GCLM: variants seen among roughly 807,000 people sequenced by gnomAD.
GCLM encodes the protein glutamate--cysteine ligase regulatory subunit.
GCLM carries 15 observed loss-of-function variants against 36.0 expected under a neutral mutation model. The observed-to-expected ratio is 0.42, with a 90% CI of 0.28 to 0.64. The LOEUF (loss-of-function observed/expected upper bound fraction) is 0.64, where lower values mean the gene tolerates loss of function less well. Ranked by LOEUF, GCLM falls within the 30% of genes least tolerant of loss-of-function variation. GCLM has a pLI of 0.25. For missense variants in GCLM, 242 were observed against 325.5 expected (o/e 0.74, Z 1.97); for synonymous variants, 129 against 122.8 (o/e 1.05, Z -0.34).
intron 6 of GCLM, among the ~76,000 whole-genome samples, chr1:93,890,498 C>T (rs932923354): frequency 6.6e-6 from 1 of 152,130 alleles, no homozygotes; most frequent in South Asian, 2.1e-4. Context: ...GCTCTGATGA[C>T]ACTTGGGGCA....
At chr1:93,898,256 A>G (rs186141820) in intron 3 of GCLM, among the ~76,000 whole-genome samples, 3 of 149,166 alleles carry the variant, frequency 2.0e-5, no homozygotes, top group Admixed American at 1.4e-4. Flanking sequence ...CAATAAACCA[A>G]AATCTATATA....
intron 2 of GCLM, among the ~76,000 whole-genome samples, chr1:93,902,004 A>G (rs1337067279): frequency 6.6e-6 from 1 of 152,076 alleles, no homozygotes; most frequent in Non-Finnish European, 1.5e-5. Context: ...ACAGCAGATA[A>G]TTTTACTCTA....
chr1:93,902,026 A>G (rs1026244773), intron 2 of GCLM, among the ~76,000 whole-genome samples: 1 of 152,146 alleles, frequency 6.6e-6, no homozygotes, highest in African/African-American at 2.4e-5. Context: ...AAAGAAACCA[A>G]TGAAAATAAT....
In GCLM at chr1:93,909,069, C is replaced by T. The variant is rs565331853; in HGVS notation, c.95G>A (p.Arg32Gln). The T allele has an allele frequency of 2.0e-6, 3 of 1,474,680 alleles. No individual in the cohort carries two copies. The highest frequency in any genetic ancestry group is 3.0e-5 in the East Asian group (1 of 33,210). 91.3% of individuals were successfully genotyped at this position (1,474,680 alleles called of 1,614,324 possible). A position where few individuals can be genotyped will look rare whatever the true frequency, so the allele number is the denominator to read the frequency against. Reference protein sequence around the residue: ...TGNLLNWGRLRKKCPSTHSEE... With the variant: ...TGNLLNWGRLQKKCPSTHSEE... The stretch of plus-strand genomic sequence containing the variant: ...GCTGTGCGTGGACGGGCACTTCTTC[C>T]GCAGGCGGCCCCAGTTCAGCAGGTT... Residue 32 changes from arginine (R) to glutamine (Q), a missense_variant, in exon 1 of 7, where the codon CGG (arginine) becomes CAG (glutamine). Arg to Gln is a conservative substitution (Grantham distance 43). Coordinates refer to ENST00000370238, the MANE Select transcript of GCLM (RefSeq NM_002061.4).
At chr1:93,893,232 G>C (rs985297023) in intron 6 of GCLM, among the ~76,000 whole-genome samples, 1 of 152,144 alleles carries the variant, frequency 6.6e-6, no homozygotes, top group Non-Finnish European at 1.5e-5. Flanking sequence ...ACCTTGGCTA[G>C]TTCCTTTCAC....
intron 2 of GCLM, among the ~76,000 whole-genome samples, chr1:93,902,186 GT>G (rs1656975784): frequency 6.6e-6 from 1 of 151,944 alleles, no homozygotes; most frequent in South Asian, 2.1e-4. Flanking sequence ...GTTTTGTTTT[GT>G]TTTGTTTTGA....
chr1:93,900,024 T>C (rs1041232987), intron 3 of GCLM, among the ~76,000 whole-genome samples: 1 of 152,094 alleles, frequency 6.6e-6, no homozygotes, highest in Non-Finnish European at 1.5e-5. Flanking sequence ...ATTCGATATA[T>C]GCAACACATT....
intron 4 of GCLM, 68 bp downstream of exon 4, chr1:93,897,771 G>T: frequency 1.3e-6 from 1 of 784,820 alleles, no homozygotes. Flanking sequence ...CTAAGCACAA[G>T]TTATAACTAA....
At chr1:93,899,475 A>G (rs192445074) in intron 3 of GCLM, among the ~76,000 whole-genome samples, 1 of 152,304 alleles carries the variant, frequency 6.6e-6, no homozygotes, top group Admixed American at 6.5e-5. Flanking sequence ...AGGTTAGTAA[A>G]TGTTCCAGTA....
intron 5 of GCLM, among the ~76,000 whole-genome samples, chr1:93,896,398 C>A (rs1176063948): frequency 6.6e-6 from 1 of 152,150 alleles, no homozygotes; most frequent in Non-Finnish European, 1.5e-5. Flanking sequence ...GATTAACATT[C>A]AGTTCAATCA....
In GCLM at chr1:93,888,982, TA is replaced by T; in HGVS notation, c.*7del. 6.4e-7 allele frequency: 1 copy of T among 1,568,208 alleles called. No homozygotes were observed. The highest frequency in any genetic ancestry group is 8.6e-7 in the Non-Finnish European group (1 of 1,158,856). On this transcript the variant is annotated 3_prime_UTR_variant, in exon 7 of 7. Transcript: ENST00000370238. ...GGAAATTACAGGTAAGTTATGCTCC[TA>T]AGTCAGTTAAGAACCCCTTCTTTTA...
chr1:93,904,213 T>C (rs1657064309), intron 2 of GCLM: 1 of 320,632 alleles, frequency 3.1e-6, no homozygotes. Flanking sequence ...AATCTACCAA[T>C]CACAATTGAT....
At chr1:93,908,987 C>T in intron 1 of GCLM, 51 bp downstream of exon 1, 1 of 1,372,228 alleles carries the variant, frequency 7.3e-7, no homozygotes, top group Non-Finnish European at 9.4e-7. Context: ...ACCGCCCGGC[C>T]CCGCCCGAGG....
intron 6 of GCLM, among the ~76,000 whole-genome samples, chr1:93,890,684 C>T (rs1002102568): frequency 1.3e-5 from 2 of 151,924 alleles, no homozygotes; most frequent in African/African-American, 2.4e-5. Context: ...AGAAACAAAC[C>T]GTCACAATGA....
rs116645538 is a variant in GCLM, at chr1:93,895,594, T to A, written c.541-866A>T. Among the ~76,000 whole-genome samples, 382 of 152,296 alleles carry A rather than the reference T, an allele frequency of 2.5e-3. 1 individual carries two copies. The highest frequency in any genetic ancestry group is 8.6e-3 in the African/African-American group (359 of 41,560). ...TTCTGAATCATCTAAGTCTCTCCAA[T>A]ACTTTCTTGTCCTCATTCTGGCTAT... is the stretch of plus-strand genomic sequence containing the variant. On this transcript the variant is annotated intron_variant, in intron 5 of 6. Transcript: ENST00000370238.
At chr1:93,902,479 G>GT (rs77382543) in intron 2 of GCLM, among the ~76,000 whole-genome samples, 4,959 of 144,040 alleles carry the variant, frequency 0.034, 119 homozygotes, top group Middle Eastern at 0.11. Context: ...CGCCCAGCCT[G>GT]TTTTTTTTTT....
chr1:93,897,758 G>T, intron 4 of GCLM, 81 bp downstream of exon 4: 2 of 697,776 alleles, frequency 2.9e-6, no homozygotes, highest in East Asian at 3.0e-5. Context: ...TTTTTACCTG[G>T]ACCTAAGCAC....
intron 6 of GCLM, among the ~76,000 whole-genome samples, chr1:93,893,560 T>C (rs889206570): frequency 2.6e-5 from 4 of 152,242 alleles, no homozygotes; most frequent in Admixed American, 2.0e-4. Flanking sequence ...GCGGGAATTA[T>C]CTATGAAATA....
At chr1:93,892,129 CG>C (rs1656558376) in intron 6 of GCLM, among the ~76,000 whole-genome samples, 1 of 151,618 alleles carries the variant, frequency 6.6e-6, no homozygotes, top group African/African-American at 2.4e-5. Flanking sequence ...AAATGGGGGG[CG>C]GGGAACAAAT....
Sources: gnomAD v4.1 joint callset for allele counts (sites outside exome capture counted in the v4.1 genomes callset) on GRCh38, gnomAD v4.1.1 for gene constraint, MANE v1.5 for transcripts, NCBI Gene and HGNC (gene_info 2026-07-23, HGNC 2026-07-21) for gene names.